The following SGCZ variants were observed in gnomAD, a reference collection of about 807,000 sequenced individuals.
The protein encoded by SGCZ is zeta-sarcoglycan.
A neutral mutation model predicts 41.3 loss-of-function variants in SGCZ; 40 were observed. That is an observed-to-expected ratio of 0.97 (90% CI 0.75 to 1.26). The LOEUF (loss-of-function observed/expected upper bound fraction) is 1.26, where lower values mean the gene tolerates loss of function less well. SGCZ is among the 50% of genes most tolerant of loss of function. The pLI is 0.00. For synonymous variants in SGCZ, 206 were observed against 137.5 expected, an observed-to-expected ratio of 1.50 and a Z score of -3.49; for missense variants, 552 against 369.8, an observed-to-expected ratio of 1.49 and a Z score of -4.04.
At chr8:14,453,786 T>A (rs1358251804) in intron 2 of SGCZ, among the ~76,000 whole-genome samples, 1 of 152,222 alleles carries the variant, frequency 6.6e-6, no homozygotes, top group Non-Finnish European at 1.5e-5. Context: ...AAATCTACTT[T>A]GCAATGGTTT....
intron 2 of SGCZ, among the ~76,000 whole-genome samples, chr8:14,383,009 C>G (rs542862689): frequency 1.3e-5 from 2 of 152,232 alleles, no homozygotes; most frequent in Non-Finnish European, 2.9e-5. Flanking sequence ...AGCATGCCAC[C>G]ACTTCACACG....
At chr8:15,089,360 G>A (rs1806066974) in intron 1 of SGCZ, among the ~76,000 whole-genome samples, 1 of 152,040 alleles carries the variant, frequency 6.6e-6, no homozygotes, top group South Asian at 2.1e-4. Flanking sequence ...CTGTCTGACT[G>A]GGACATGGAC....
intron 1 of SGCZ, among the ~76,000 whole-genome samples, chr8:14,625,642 G>C (rs1806430218): frequency 6.6e-6 from 1 of 152,018 alleles, no homozygotes; most frequent in Non-Finnish European, 1.5e-5. Context: ...GGTTTCCCAG[G>C]CTGGTCTTGA....
At chr8:14,981,728 C>A (rs565132242) in intron 1 of SGCZ, among the ~76,000 whole-genome samples, 1 of 152,268 alleles carries the variant, frequency 6.6e-6, no homozygotes, top group African/African-American at 2.4e-5. Context: ...ACAAGCATGA[C>A]AATTAATAGC....
intron 1 of SGCZ, among the ~76,000 whole-genome samples, chr8:14,765,602 T>C (rs1387497788): frequency 6.6e-6 from 1 of 152,190 alleles, no homozygotes; most frequent in Non-Finnish European, 1.5e-5. Context: ...CCATATATCC[T>C]ACAGGGAAGG....
intron 1 of SGCZ, among the ~76,000 whole-genome samples, chr8:14,664,532 C>A (rs933850156): frequency 2.0e-5 from 3 of 152,080 alleles, no homozygotes; most frequent in African/African-American, 7.2e-5. Flanking sequence ...AAGATTTGAG[C>A]AGAGAACAAA....
chr8:14,256,181 A>G lies in SGCZ; in HGVS notation c.337-18502T>C, dbSNP rs1166369559. ...TTTCTTTCTTTAATATGCTTCATCCATATTTTTACCATAACCTTGGAGCCC... is the reference window on the plus strand; with the variant it reads ...TTTCTTTCTTTAATATGCTTCATCCGTATTTTTACCATAACCTTGGAGCCC... On this transcript the variant is annotated intron_variant, in intron 3 of 7. Coordinates refer to ENST00000382080, the MANE Select transcript of SGCZ (RefSeq NM_139167.4). Among the ~76,000 whole-genome samples, 5 of 152,180 alleles carry G rather than the reference A, an allele frequency of 3.3e-5. No homozygotes were observed. The East Asian group carries it at 7.7e-4, about 23-fold the overall frequency.
At chr8:14,095,833 T>A (rs1466633018) in intron 7 of SGCZ, among the ~76,000 whole-genome samples, 5 of 152,060 alleles carry the variant, frequency 3.3e-5, no homozygotes, top group Non-Finnish European at 5.9e-5. Flanking sequence ...CTTGTAAGTT[T>A]TATTCCTACG....
rs1432271010 is a variant in SGCZ at position 15,132,235 on chromosome 8, CA to C, written c.39+105349del. Among the ~76,000 whole-genome samples the C allele has an allele frequency of 6.6e-5, 10 of 152,270 alleles. No individual in the cohort carries two copies. The East Asian group carries it at 1.9e-3, about 29-fold the overall frequency. ...AGATTTAAAAGTGATTGGAAAAGAG[CA>C]CACTAGAAGTCCCACATTCCTCAGA... is the stretch of plus-strand genomic sequence containing the variant. On this transcript the variant is annotated intron_variant, in intron 1 of 7. Coordinates refer to ENST00000382080, the MANE Select transcript of SGCZ (RefSeq NM_139167.4).
chr8:14,090,688 G>C (rs764870617), intron 7 of SGCZ, 51 bp from the exon 8 acceptor site: 6 of 1,498,058 alleles, frequency 4.0e-6, no homozygotes, highest in Non-Finnish European at 4.6e-6. Flanking sequence ...ATGTAGCATC[G>C]AGTAATCTAC....
At chr8:14,736,967 A>G (rs1229064783) in intron 1 of SGCZ, among the ~76,000 whole-genome samples, 3 of 151,604 alleles carry the variant, frequency 2.0e-5, no homozygotes, top group African/African-American at 7.3e-5. Flanking sequence ...AAATTGTGGA[A>G]CCAAACCAAA....
At chr8:15,198,135 CAG>C (rs1800788850) in intron 1 of SGCZ, among the ~76,000 whole-genome samples, 1 of 150,678 alleles carries the variant, frequency 6.6e-6, no homozygotes, top group African/African-American at 2.4e-5. Flanking sequence ...GAAAGAGAAA[CAG>C]AGACTATATA....
At chr8:15,001,467 C>T (rs188196929) in intron 1 of SGCZ, among the ~76,000 whole-genome samples, 1 of 152,112 alleles carries the variant, frequency 6.6e-6, no homozygotes. Context: ...TGGTGGCTCA[C>T]GCCCGCAATC....
At chr8:14,548,373 G>A (rs1262780000) in intron 2 of SGCZ, among the ~76,000 whole-genome samples, 1 of 151,932 alleles carries the variant, frequency 6.6e-6, no homozygotes, top group Non-Finnish European at 1.5e-5. Context: ...GGGAAGACAG[G>A]GTCCTGTTTT....
At chr8:14,972,263 G>T (rs565782210) in intron 1 of SGCZ, among the ~76,000 whole-genome samples, 3 of 145,684 alleles carry the variant, frequency 2.1e-5, no homozygotes, top group South Asian at 4.2e-4. Flanking sequence ...AATACCTGTT[G>T]TAATGTTTCC....
chr8:14,591,664 T>G (rs1005738677), intron 1 of SGCZ, among the ~76,000 whole-genome samples: 11 of 152,122 alleles, frequency 7.2e-5, no homozygotes, highest in African/African-American at 2.7e-4. Flanking sequence ...TATGAATGAA[T>G]GCCAGTAAAA....
chr8:15,130,055 G>A (rs556399007), intron 1 of SGCZ, among the ~76,000 whole-genome samples: 1 of 152,094 alleles, frequency 6.6e-6, no homozygotes, highest in Admixed American at 6.5e-5. Context: ...CTTCTAATCA[G>A]AATGAGGCAT....
chr8:14,471,776 A>C (rs1458738048), intron 2 of SGCZ, among the ~76,000 whole-genome samples: 1 of 152,124 alleles, frequency 6.6e-6, no homozygotes, highest in Non-Finnish European at 1.5e-5. Context: ...CCAAGTGTTA[A>C]TTTAAACATG....
At chr8:14,619,435 G>A (rs1237034379) in intron 1 of SGCZ, among the ~76,000 whole-genome samples, 1 of 149,590 alleles carries the variant, frequency 6.7e-6, no homozygotes, top group East Asian at 2.1e-4. Context: ...GGAAGTTCTG[G>A]CCAGGGCAAT....
Sources: allele counts gnomAD v4.1 joint callset (sites outside exome capture counted in the v4.1 genomes callset), GRCh38; gene constraint gnomAD v4.1.1; transcripts MANE v1.5; gene names NCBI Gene and HGNC (gene_info 2026-07-23, HGNC 2026-07-21).